The following POLR1D variants were observed in gnomAD, a reference collection of about 807,000 sequenced individuals.
The protein encoded by POLR1D is RNA polymerase I and III subunit D.
In POLR1D, 8 loss-of-function variants were observed where a neutral mutation model predicts 10.8. That is an observed-to-expected ratio of 0.74 (90% CI 0.43 to 1.33). POLR1D has a LOEUF of 1.33. POLR1D is among the 40% of genes most tolerant of loss of function. The probability of loss-of-function intolerance (pLI) is 0.01; values close to 1 mark genes in which losing one functional copy is unlikely to be tolerated. For synonymous variants in POLR1D, 54 were observed against 57.2 expected, an observed-to-expected ratio of 0.94 and a Z score of 0.25; for missense variants, 152 against 161.7, an observed-to-expected ratio of 0.94 and a Z score of 0.32.
chr13:27,652,808 A>G (rs1197327056), intron 2 of POLR1D, among the ~76,000 whole-genome samples: 1 of 149,976 alleles, frequency 6.7e-6, no homozygotes, highest in Non-Finnish European at 1.5e-5. Flanking sequence ...GGGAGGTTAC[A>G]GTAAGCCGAG....
At chr13:27,661,848 A>G (rs2138573633) in intron 2 of POLR1D, among the ~76,000 whole-genome samples, 1 of 152,320 alleles carries the variant, frequency 6.6e-6, no homozygotes, top group East Asian at 1.9e-4. Context: ...TTTACGTCTG[A>G]GGACAGAGGC....
downstream of POLR1D, among the ~76,000 whole-genome samples, chr13:27,625,862 A>G (rs1956003496): frequency 6.6e-6 from 1 of 152,194 alleles, no homozygotes; most frequent in Non-Finnish European, 1.5e-5. Context: ...ACCTGGAGTT[A>G]ACGTGGAGGT....
chr13:27,625,232 C>G (rs1955996805), downstream of POLR1D, among the ~76,000 whole-genome samples: 1 of 151,996 alleles, frequency 6.6e-6, no homozygotes, highest in Non-Finnish European at 1.5e-5. Context: ...ATTTTAGGTT[C>G]AGTGGGAATG....
intron 1 of POLR1D, among the ~76,000 whole-genome samples, chr13:27,634,196 T>G (rs1250828634): frequency 1.3e-5 from 2 of 152,178 alleles, no homozygotes; most frequent in Non-Finnish European, 2.9e-5. Context: ...TGGCAAAGAT[T>G]GTACTTTGTC....
At chr13:27,649,163 G>A (rs576938973) in intron 2 of POLR1D, among the ~76,000 whole-genome samples, 7 of 152,282 alleles carry the variant, frequency 4.6e-5, no homozygotes, top group South Asian at 4.1e-4. Flanking sequence ...AGTTAAAAAC[G>A]TACTGCAATG....
chr13:27,650,267 C>G (rs1379343703), intron 2 of POLR1D: 3 of 386,530 alleles, frequency 7.8e-6, no homozygotes, highest in Non-Finnish European at 1.4e-5. Context: ...ATGCTACCCT[C>G]CCAGCATCAG....
intron 2 of POLR1D, among the ~76,000 whole-genome samples, chr13:27,648,751 A>G (rs1956242693): frequency 6.6e-6 from 1 of 152,216 alleles, no homozygotes; most frequent in African/African-American, 2.4e-5. Flanking sequence ...CCTGTGCAAG[A>G]GTAATATTAT....
intron 2 of POLR1D, among the ~76,000 whole-genome samples, chr13:27,652,683 A>G (rs1956276266): frequency 6.6e-6 from 1 of 152,044 alleles, no homozygotes; most frequent in Non-Finnish European, 1.5e-5. Flanking sequence ...CAGCCTCGCC[A>G]ACATGGTGAA....
intron 2 of POLR1D, among the ~76,000 whole-genome samples, chr13:27,660,532 G>A (rs984048155): frequency 1.3e-4 from 20 of 152,180 alleles, no homozygotes; most frequent in Admixed American, 1.2e-3. Flanking sequence ...ATGTTTAAGG[G>A]ACTCTCCACC....
At chr13:27,642,374 G>A (rs1593286143) in intron 1 of POLR1D, among the ~76,000 whole-genome samples, 1 of 152,266 alleles carries the variant, frequency 6.6e-6, no homozygotes, top group Admixed American at 6.5e-5. Context: ...ACGTGTTGCT[G>A]TTGTGCCCCT....
At chr13:27,625,424 C>G (rs111802146), downstream of POLR1D, among the ~76,000 whole-genome samples, 820 of 152,168 alleles carry the variant, frequency 5.4e-3, 5 homozygotes, top group African/African-American at 0.017. Flanking sequence ...TGGTACACTT[C>G]AGGAACTGTG....
chr13:27,658,373 G>A (rs1282217111), intron 2 of POLR1D, among the ~76,000 whole-genome samples: 3 of 152,238 alleles, frequency 2.0e-5, no homozygotes, highest in Non-Finnish European at 4.4e-5. Flanking sequence ...CTGGCCAGGT[G>A]TTCAGCCACA....
intron 2 of POLR1D, among the ~76,000 whole-genome samples, chr13:27,655,497 C>T (rs554308402): frequency 1.3e-5 from 2 of 152,218 alleles, no homozygotes; most frequent in South Asian, 4.2e-4. Flanking sequence ...AAAAATGTTC[C>T]ACATACTGGA....
intron 1 of POLR1D, among the ~76,000 whole-genome samples, chr13:27,638,241 C>T (rs894288157): frequency 2.0e-5 from 3 of 152,176 alleles, no homozygotes; most frequent in East Asian, 1.9e-4. Flanking sequence ...TTGCACTTAA[C>T]GGTCACAGGA....
At chr13:27,648,087 C>T in intron 1 of POLR1D, 1 of 259,954 alleles carries the variant, frequency 3.8e-6, no homozygotes, top group Non-Finnish European at 7.6e-6. Context: ...TTTGGTTATT[C>T]AAATTAATAA....
chr13:27,656,779 T>C (rs1376745690), intron 2 of POLR1D, among the ~76,000 whole-genome samples: 2 of 152,116 alleles, frequency 1.3e-5, no homozygotes, highest in Admixed American at 1.3e-4. Flanking sequence ...TTAATAAATG[T>C]GTGCAGACCT....
intron 2 of POLR1D, among the ~76,000 whole-genome samples, chr13:27,659,925 TACACAC>T (rs1555273998): frequency 6.7e-6 from 1 of 149,382 alleles, no homozygotes; most frequent in Admixed American, 6.6e-5. Context: ...TATATATATA[TACACAC>T]ACATACACAC....
At chr13:27,646,253 CTAAT>C (rs1367873893) in intron 1 of POLR1D, 3 of 152,108 alleles carry the variant, frequency 2.0e-5, no homozygotes, top group African/African-American at 7.2e-5. Context: ...AACTACCACA[CTAAT>C]TTATGGGAAA....
At chr13:27,665,930 G>A (rs778356800) in exon 3 of POLR1D, 1 of 1,614,186 alleles carries the variant, frequency 6.2e-7, no homozygotes, top group Non-Finnish European at 8.5e-7. Context: ...GGACAAGTAC[G>A]AAAAGCGGTC....
Sources: gnomAD v4.1 joint callset for allele counts (sites outside exome capture counted in the v4.1 genomes callset) on GRCh38, gnomAD v4.1.1 for gene constraint, MANE v1.5 for transcripts, NCBI Gene and HGNC (gene_info 2026-07-23, HGNC 2026-07-21) for gene names.